The following TANC2 variants were observed in gnomAD, a reference collection of about 807,000 sequenced individuals.
The protein encoded by TANC2 is protein TANC2.
TANC2 carries 26 observed loss-of-function variants against 210.5 expected under a neutral mutation model. The ratio of observed to expected loss-of-function variants is 0.12; its 90% CI spans 0.09 to 0.17. The LOEUF is 0.17. Ranked by LOEUF, TANC2 falls within the 10% of genes least tolerant of loss-of-function variation. The pLI is 1.00. For synonymous variants in TANC2, 931 were observed against 967.1 expected, an observed-to-expected ratio of 0.96 and a Z score of 0.69; for missense variants, 2,129 against 2,608.9, an observed-to-expected ratio of 0.82 and a Z score of 4.01.
chr17:63,138,994 G>C (rs184426232), intron 4 of TANC2, among the ~76,000 whole-genome samples: 1 of 152,264 alleles, frequency 6.6e-6, no homozygotes, highest in East Asian at 1.9e-4. Context: ...TGGAATTGAA[G>C]GCTATTAAAA....
At chr17:63,367,189 A>G (rs76081681) in intron 14 of TANC2, among the ~76,000 whole-genome samples, 1,527 of 152,216 alleles carry the variant, frequency 0.01, 26 homozygotes, top group African/African-American at 0.035. Context: ...ATGAAACACA[A>G]AACACTTAGT....
intron 2 of TANC2, among the ~76,000 whole-genome samples, chr17:63,042,121 C>T (rs531660142): frequency 2.6e-5 from 4 of 152,134 alleles, no homozygotes; most frequent in East Asian, 1.9e-4. Flanking sequence ...CCCTTCTGTG[C>T]GTTTACAGAA....
At chr17:63,306,862 G>A (rs897246833) in intron 9 of TANC2, among the ~76,000 whole-genome samples, 3 of 152,188 alleles carry the variant, frequency 2.0e-5, no homozygotes, top group African/African-American at 4.8e-5. Context: ...GCTAAGGCAG[G>A]AGGATTGCTT....
intron 5 of TANC2, chr17:63,182,324 C>T (rs749797280): frequency 3.3e-5 from 7 of 210,648 alleles, no homozygotes; most frequent in Non-Finnish European, 7.0e-5. Context: ...CGACAAGTAG[C>T]TGAAGCATAT....
At chr17:63,233,355 C>T (rs1048248597) in intron 7 of TANC2, among the ~76,000 whole-genome samples, 4 of 152,086 alleles carry the variant, frequency 2.6e-5, no homozygotes, top group African/African-American at 9.7e-5. Context: ...TGTGGGCCCA[C>T]GAGGGGGATC....
At chr17:63,224,369 C>T (rs916540360) in intron 7 of TANC2, among the ~76,000 whole-genome samples, 5 of 151,936 alleles carry the variant, frequency 3.3e-5, no homozygotes, top group African/African-American at 9.7e-5. Context: ...CTTCCACCTC[C>T]GTCTCCCAAG....
intron 5 of TANC2, among the ~76,000 whole-genome samples, chr17:63,186,672 A>G (rs1412942001): frequency 6.6e-6 from 1 of 152,076 alleles, no homozygotes; most frequent in Admixed American, 6.6e-5. Context: ...CGAGTCTTCT[A>G]TACTATTCTT....
At chr17:63,144,559 G>T (rs2039401123) in intron 4 of TANC2, among the ~76,000 whole-genome samples, 1 of 152,136 alleles carries the variant, frequency 6.6e-6, no homozygotes, top group Admixed American at 6.5e-5. Context: ...TAAATTGGAT[G>T]TAAAACTACA....
intron 1 of TANC2, among the ~76,000 whole-genome samples, chr17:62,980,092 G>A (rs1026515094): frequency 2.0e-5 from 3 of 152,146 alleles, no homozygotes; most frequent in African/African-American, 7.2e-5. Flanking sequence ...TTTATTGTCA[G>A]TCACCTGTAA....
At chr17:63,082,542 T>A (rs1043869538) in intron 3 of TANC2, among the ~76,000 whole-genome samples, 10 of 152,136 alleles carry the variant, frequency 6.6e-5, no homozygotes, top group African/African-American at 2.2e-4. Context: ...AAATTTATAG[T>A]TGATTTATTA....
chr17:63,221,958 A>G (rs2042204624), intron 7 of TANC2, among the ~76,000 whole-genome samples: 1 of 152,236 alleles, frequency 6.6e-6, no homozygotes, highest in Non-Finnish European at 1.5e-5. Context: ...GAATATTCAG[A>G]GCAGCTTTAT....
At chr17:63,261,156 A>G (rs2043344056) in intron 8 of TANC2, among the ~76,000 whole-genome samples, 1 of 152,106 alleles carries the variant, frequency 6.6e-6, no homozygotes, top group Non-Finnish European at 1.5e-5. Context: ...AGGCAGGAGT[A>G]TGGCTTGAGC....
chr17:63,395,961 G>T (rs2048143525), intron 18 of TANC2, 33 bp downstream of exon 18: 3 of 1,565,166 alleles, frequency 1.9e-6, no homozygotes, highest in Middle Eastern at 1.7e-4. Context: ...GTTTTTTCAA[G>T]CTCTGTATTG....
chr17:62,971,415 C>T (rs777987135), intron 1 of TANC2, among the ~76,000 whole-genome samples: 5 of 152,154 alleles, frequency 3.3e-5, no homozygotes, highest in South Asian at 2.1e-4. Flanking sequence ...TTGCAGCCTA[C>T]GTCTCCTGGG....
intron 1 of TANC2, chr17:63,004,749 T>C (rs1402349956): frequency 3.0e-5 from 10 of 333,064 alleles, no homozygotes; most frequent in Non-Finnish European, 5.3e-5. Flanking sequence ...CAGTGCCTGC[T>C]CTGTTTTGGC....
rs568690147 is a variant in TANC2, at chr17:63,078,760, G to A, written c.139+4746G>A. Among the ~76,000 whole-genome samples the A allele has an allele frequency of 3.9e-5, 6 of 152,208 alleles. No homozygotes were observed. In the South Asian group the frequency reaches 1.2e-3, roughly 32 times the overall value. On this transcript the variant is annotated intron_variant, in intron 3 of 27. Coordinates refer to ENST00000689528, the Ensembl canonical transcript of TANC2. ...ATTGTGATCAGAGGACAAACTTTCT[G>A]TAGGTTGAATCATTTTAAATTTGTT...
chr17:63,182,222 C>T (rs892562933), intron 5 of TANC2: 5 of 168,608 alleles, frequency 3.0e-5, no homozygotes, highest in Admixed American at 6.3e-5. Context: ...TGGCTCCCCC[C>T]GCTCCAAGGT....
chr17:62,973,206 A>G (rs1177184866), intron 1 of TANC2, among the ~76,000 whole-genome samples: 1 of 151,724 alleles, frequency 6.6e-6, no homozygotes, highest in Non-Finnish European at 1.5e-5. Flanking sequence ...ATTTTGTTAT[A>G]TTTTTAGCAG....
At chr17:63,314,181 C>G (rs1196534571) in intron 9 of TANC2, among the ~76,000 whole-genome samples, 1 of 152,208 alleles carries the variant, frequency 6.6e-6, no homozygotes, top group Non-Finnish European at 1.5e-5. Context: ...TGTTTGTGTT[C>G]TGCAATTTAC....
Sources: allele counts gnomAD v4.1 joint callset (sites outside exome capture counted in the v4.1 genomes callset), GRCh38; gene constraint gnomAD v4.1.1; transcripts MANE v1.5; gene names NCBI Gene and HGNC (gene_info 2026-07-23, HGNC 2026-07-21).